The following TRMT9B variants were observed in gnomAD, a reference collection of about 807,000 sequenced individuals.
TRMT9B encodes the protein probable tRNA methyltransferase 9B.
A neutral mutation model predicts 11.5 loss-of-function variants in TRMT9B; 16 were observed. The ratio of observed to expected loss-of-function variants is 1.39; its 90% CI spans 0.94 to 2.11. The LOEUF is 2.11. Among genes scored for constraint, TRMT9B ranks in the 30% most tolerant of loss-of-function variants. The pLI is 0.00. For synonymous variants in TRMT9B, 274 were observed against 192.4 expected, an observed-to-expected ratio of 1.42 and a Z score of -3.51; for missense variants, 941 against 553.8, an observed-to-expected ratio of 1.70 and a Z score of -7.02.
intron 2 of TRMT9B, among the ~76,000 whole-genome samples, chr8:13,003,242 A>C (rs1162101085): frequency 6.6e-6 from 1 of 152,192 alleles, no homozygotes; most frequent in African/African-American, 2.4e-5. Context: ...ATGAGTTCTT[A>C]AATGATTGAA....
intron 1 of TRMT9B, among the ~76,000 whole-genome samples, chr8:12,979,837 G>A (rs889289193): frequency 2.6e-5 from 4 of 152,172 alleles, no homozygotes; most frequent in African/African-American, 9.6e-5. Flanking sequence ...ATCTTAAGCA[G>A]AGAAAACATT....
intron 1 of TRMT9B, among the ~76,000 whole-genome samples, chr8:12,963,199 C>A (rs1384254934): frequency 6.6e-6 from 1 of 152,084 alleles, no homozygotes; most frequent in African/African-American, 2.4e-5. Flanking sequence ...TTTGGGAGGC[C>A]AAGGTGGGCG....
intron 2 of TRMT9B, among the ~76,000 whole-genome samples, chr8:12,996,653 C>T (rs1808397459): frequency 6.6e-6 from 1 of 152,192 alleles, no homozygotes; most frequent in African/African-American, 2.4e-5. Flanking sequence ...TAAGTTCTAA[C>T]ATGGTTTAAA....
At chr8:12,961,424 G>A (rs771266600) in intron 1 of TRMT9B, among the ~76,000 whole-genome samples, 18 of 151,866 alleles carry the variant, frequency 1.2e-4, no homozygotes, top group Non-Finnish European at 1.8e-4. Flanking sequence ...ACCTTCGGCC[G>A]GGCGCGGTGG....
At chr8:12,984,601 T>C (rs1805951429) in intron 1 of TRMT9B, among the ~76,000 whole-genome samples, 1 of 152,176 alleles carries the variant, frequency 6.6e-6, no homozygotes, top group South Asian at 2.1e-4. Context: ...GTGCCTTTCG[T>C]ATGTAATAGC....
intron 1 of TRMT9B, among the ~76,000 whole-genome samples, chr8:12,973,168 A>G (rs1275638834): frequency 6.6e-6 from 1 of 152,114 alleles, no homozygotes; most frequent in African/African-American, 2.4e-5. Flanking sequence ...TCAGAATTGC[A>G]TTGCTTTTTA....
intron 4 of TRMT9B, among the ~76,000 whole-genome samples, chr8:13,017,764 C>G (rs1222102414): frequency 6.6e-6 from 1 of 151,760 alleles, no homozygotes; most frequent in Admixed American, 6.6e-5. Flanking sequence ...TAGACACACA[C>G]CACCACGCCC....
rs138267267 is a variant in TRMT9B at position 13,020,853 on chromosome 8, C to T, written c.329-155C>T. ...ATTTATGTTTCTCCTAAAATCAGTC[C>T]TGTGTTATTTCTGTCATCATCGTTG... On this transcript the variant is annotated intron_variant, in intron 4 of 4. Transcript: ENST00000524591. Among the ~76,000 whole-genome samples the T allele has an allele frequency of 2.3e-3, 352 of 152,280 alleles. 1 individual carries two copies. The highest frequency in any genetic ancestry group is 7.9e-3 in the African/African-American group (330 of 41,570).
intron 1 of TRMT9B, among the ~76,000 whole-genome samples, chr8:12,990,552 G>T (rs954144747): frequency 1.3e-5 from 2 of 152,188 alleles, no homozygotes; most frequent in Non-Finnish European, 2.9e-5. Context: ...AATCAGAGAT[G>T]ACTCTCAATG....
chr8:12,988,254 T>C (rs1806679176), intron 1 of TRMT9B, among the ~76,000 whole-genome samples: 1 of 152,330 alleles, frequency 6.6e-6, no homozygotes, highest in Admixed American at 6.5e-5. Flanking sequence ...GTCGCCTATG[T>C]GCTCCTGTAG....
rs1490845590 is a variant in TRMT9B, at chr8:13,023,739, G to T, written c.*1695G>T. 1 of 166,674 alleles carries T rather than the reference G, an allele frequency of 6.0e-6. No individual in the cohort carries two copies. The highest frequency in any genetic ancestry group is 1.9e-4 in the East Asian group (1 of 5,196). 10.3% of individuals were successfully genotyped at this position (166,674 alleles called of 1,614,324 possible). A position where few individuals can be genotyped will look rare whatever the true frequency, so the allele number is the denominator to read the frequency against. On this transcript the variant is annotated 3_prime_UTR_variant, in exon 5 of 5. Transcript: ENST00000524591. ...CACTAAAAGTGACTAAAATAATAAC[G>T]AATTTCATTTGTTCTTGGGTTCTTT...
Position 12,985,938 on chromosome 8 carries a change from G to C in TRMT9B, c.-199-4896G>C, listed in dbSNP as rs56901101. 4.0e-3 allele frequency among the ~76,000 whole-genome samples: 615 copies of C among 152,084 alleles called. 5 individuals carry two copies. Among genetic ancestry groups the C allele is most frequent in the African/African-American group, 0.014 (589 of 41,468 alleles). The stretch of plus-strand genomic sequence containing the variant: ...TGCTGTGGCGTGATCTTGGCTCACT[G>C]CAACCTCCGCCTCCCAGGTTCAAAT... On this transcript the variant is annotated intron_variant, in intron 1 of 4. Coordinates refer to ENST00000524591, the MANE Select transcript of TRMT9B (RefSeq NM_020844.3).
At chr8:12,970,973 T>G (rs768052380) in intron 1 of TRMT9B, among the ~76,000 whole-genome samples, 4 of 152,204 alleles carry the variant, frequency 2.6e-5, no homozygotes, top group Non-Finnish European at 5.9e-5. Flanking sequence ...AGTATCTGTA[T>G]TTCTTCATTT....
Position 13,006,054 on chromosome 8 carries a change from T to C in TRMT9B, c.-1-148T>C. The C allele has an allele frequency of 1.8e-5, 12 of 681,484 alleles. No individual in the cohort carries two copies. In the South Asian group the frequency reaches 2.8e-4, roughly 16 times the overall value. 42.2% of individuals were successfully genotyped at this position (681,484 alleles called of 1,614,324 possible). A position where few individuals can be genotyped will look rare whatever the true frequency, so the allele number is the denominator to read the frequency against. On this transcript the variant is annotated intron_variant, in intron 2 of 4. Coordinates refer to ENST00000524591, the MANE Select transcript of TRMT9B (RefSeq NM_020844.3). Reference sequence around the variant, plus strand: ...TACTATGGCGAGGTTATAGTGAAGGTATTGTTCTTTGCAGCTTATAAGAAA... The same window carrying C: ...TACTATGGCGAGGTTATAGTGAAGGCATTGTTCTTTGCAGCTTATAAGAAA...
intron 1 of TRMT9B, among the ~76,000 whole-genome samples, chr8:12,955,435 C>G (rs1801167810): frequency 6.6e-6 from 1 of 152,106 alleles, no homozygotes; most frequent in Admixed American, 6.6e-5. Flanking sequence ...CCTATCCTCC[C>G]TTCTTTTCTC....
rs573576055 is a variant in TRMT9B, at chr8:12,994,774, C to T, written c.-2+3743C>T. On this transcript the variant is annotated intron_variant, in intron 2 of 4. Coordinates refer to ENST00000524591, the MANE Select transcript of TRMT9B (RefSeq NM_020844.3). ...TCAGCTCACTGCAACCTCCGCCTTT[C>T]GGGTTCAAGCAATTCTCCTGCCTCA... Among the ~76,000 whole-genome samples, 48 of 152,270 alleles carry T rather than the reference C, an allele frequency of 3.2e-4. No homozygotes were observed. The Middle Eastern group carries it at 0.01, about 32-fold the overall frequency.
chr8:13,020,377 C>T (rs1416333044), intron 4 of TRMT9B, among the ~76,000 whole-genome samples: 1 of 152,120 alleles, frequency 6.6e-6, no homozygotes, highest in Non-Finnish European at 1.5e-5. Flanking sequence ...TTACTTGAAG[C>T]TCATTTCGAC....
At position 13,027,826 on chromosome 8, in the gene TRMT9B, C is replaced by G. The variant is rs1814873800; in HGVS notation, c.*5782C>G. 6.0e-6 allele frequency: 1 copy of G among 167,078 alleles called. No homozygotes were observed. The highest frequency in any genetic ancestry group is 2.1e-4 in the South Asian group (1 of 4,832). 10.3% of individuals were successfully genotyped at this position (167,078 alleles called of 1,614,324 possible). On this transcript the variant is annotated 3_prime_UTR_variant, in exon 5 of 5. Coordinates refer to ENST00000524591, the MANE Select transcript of TRMT9B (RefSeq NM_020844.3). ...GGGAATCAAGAAGCATTAACAGACC[C>G]TCCACCAACCGTAATGCTTAACTCC...
intron 1 of TRMT9B, chr8:12,951,780 C>T (rs1336668293): frequency 6.6e-6 from 1 of 151,896 alleles, no homozygotes; most frequent in East Asian, 1.9e-4. Flanking sequence ...GCCCAAAGCC[C>T]CCGATCCCCG....
Sources: gnomAD v4.1 joint callset for allele counts (sites outside exome capture counted in the v4.1 genomes callset) on GRCh38, gnomAD v4.1.1 for gene constraint, MANE v1.5 for transcripts, NCBI Gene and HGNC (gene_info 2026-07-23, HGNC 2026-07-21) for gene names.